FOXJ2: variants seen among roughly 807,000 people sequenced by gnomAD.
FOXJ2 encodes forkhead box J2.
A neutral mutation model predicts 68.4 loss-of-function variants in FOXJ2; 18 were observed. The observed-to-expected ratio is 0.26, with a 90% CI of 0.18 to 0.39. The LOEUF (loss-of-function observed/expected upper bound fraction) is 0.39, where lower values mean the gene tolerates loss of function less well. FOXJ2 is among the 10% of genes least tolerant of loss of function. The pLI is 1.00. For missense variants in FOXJ2, 670 were observed against 726.5 expected (o/e 0.92, Z 0.89); for synonymous variants, 274 against 263.2 (o/e 1.04, Z -0.40).
rs1248322184 is a variant in FOXJ2 at position 8,055,119 on chromosome 12, T to C, written c.*2269T>C. ...CTACGTGGCACAGGGCAAACCTGACTCCCTTTGGGCCTCAGTTTCCCCTCC... is the reference window on the plus strand; with the variant it reads ...CTACGTGGCACAGGGCAAACCTGACCCCCTTTGGGCCTCAGTTTCCCCTCC... On this transcript the variant is annotated 3_prime_UTR_variant, in exon 11 of 11. Transcript: ENST00000162391. The C allele has an allele frequency of 6.6e-6, 1 of 152,590 alleles. No individual in the cohort carries two copies. Among genetic ancestry groups the C allele is most frequent in the Non-Finnish European group, 1.5e-5 (1 of 68,038 alleles). The allele number at this position is 152,590 out of a possible 1,614,324, so 9.5% of individuals were successfully genotyped here. A position where few individuals can be genotyped will look rare whatever the true frequency, so the allele number is the denominator to read the frequency against.
At position 8,040,775 on chromosome 12, in the gene FOXJ2, G is replaced by A. The variant is rs888093963; in HGVS notation, c.333+610G>A. ...GAGGATATTCACTCATTTCACAAATGTTTATTGCCATTCTACGATGTTCCA... is the reference window on the plus strand; with the variant it reads ...GAGGATATTCACTCATTTCACAAATATTTATTGCCATTCTACGATGTTCCA... On this transcript the variant is annotated intron_variant, in intron 2 of 10. Transcript: ENST00000162391. The surrounding 1 kb of genome is among the most constrained non-coding windows in gnomAD (Gnocchi z 4.0). Among the ~76,000 whole-genome samples, 14 of 152,128 alleles carry A rather than the reference G, an allele frequency of 9.2e-5. No individual in the cohort carries two copies. The highest frequency in any genetic ancestry group is 3.1e-4 in the African/African-American group (13 of 41,414).
At position 8,048,161 on chromosome 12, in the gene FOXJ2, A is replaced by G; in HGVS notation, c.1097A>G (p.His366Arg). 1 of 1,613,928 alleles carries G rather than the reference A, an allele frequency of 6.2e-7. No individual in the cohort carries two copies. Reference sequence around the variant, plus strand: ...GGGCCTCCCCCTGTAATGGCCATGCATCCACCCCCGCTGCAGCATGGAGGC... The same window carrying G: ...GGGCCTCCCCCTGTAATGGCCATGCGTCCACCCCCGCTGCAGCATGGAGGC... ...GYGPPPVMAM[H>R]PPPLQHGGYH... Residue 366 changes from histidine (H) to arginine (R), a missense_variant, in exon 7 of 11, where the codon CAT becomes CGT. Physicochemically the swap from His to Arg is conservative, Grantham distance 29. This residue lies in a region of FOXJ2 where 555 missense variants were observed against 562.2 expected (regional missense o/e 0.99). Coordinates refer to ENST00000162391, the MANE Select transcript of FOXJ2 (RefSeq NM_018416.3).
At position 8,053,262 on chromosome 12, in the gene FOXJ2, C is replaced by T. The variant is rs1484766800; in HGVS notation, c.*412C>T. 6.6e-6 allele frequency: 1 copy of T among 152,532 alleles called. No individual in the cohort carries two copies. The highest frequency in any genetic ancestry group is 1.5e-5 in the Non-Finnish European group (1 of 68,058). The allele number at this position is 152,532 out of a possible 1,614,324, so 9.4% of individuals were successfully genotyped here. ...CTCTTGGAGAAACTCAATGCTAATC[C>T]CACCTTTTGGCCCTAAATTGTTTTT... On this transcript the variant is annotated 3_prime_UTR_variant, in exon 11 of 11. Coordinates refer to ENST00000162391, the MANE Select transcript of FOXJ2 (RefSeq NM_018416.3). The surrounding 1 kb of genome is among the most constrained non-coding windows in gnomAD (Gnocchi z 4.1).
Position 8,042,744 on chromosome 12 carries a change from C to A in FOXJ2, c.408+12C>A. The A allele has an allele frequency of 6.2e-7, 1 of 1,607,870 alleles. No individual in the cohort carries two copies. Among genetic ancestry groups the A allele is most frequent in the Non-Finnish European group, 8.5e-7 (1 of 1,174,422 alleles). On this transcript the variant is annotated intron_variant, in intron 3 of 10. Coordinates refer to ENST00000162391, the MANE Select transcript of FOXJ2 (RefSeq NM_018416.3). ...ATGACCCTGGGAAGGTAAGATACTA[C>A]TGTAAGCATTGAAAGGAGGAGTAGG...
chr12:8,044,127 T>C, intron 5 of FOXJ2, 36 bp downstream of exon 5: 2 of 1,483,178 alleles, frequency 1.3e-6, no homozygotes, highest in South Asian at 3.0e-5. Context: ...ATGGGATGGG[T>C]GGTGAATAGA....
rs1254003846 is a variant in FOXJ2, at chr12:8,035,291, C to G, written c.-15+1458C>G. On this transcript the variant is annotated intron_variant, in intron 1 of 10. Coordinates refer to ENST00000162391, the MANE Select transcript of FOXJ2 (RefSeq NM_018416.3). This position sits in a 1 kb window ranked among gnomAD's most constrained non-coding sequence, Gnocchi z 4.0. ...CTGGTGGGCCTCTAGAAGCAGGTGC[C>G]TCTGTACAAGGACATGGATAGGTGG... Among the ~76,000 whole-genome samples the G allele has an allele frequency of 6.6e-6, 1 of 152,142 alleles. No individual in the cohort carries two copies. Among genetic ancestry groups the G allele is most frequent in the Non-Finnish European group, 1.5e-5 (1 of 68,024 alleles).
At chr12:8,049,171 A>T (rs1263074464) in intron 8 of FOXJ2, among the ~76,000 whole-genome samples, 191 bp from the exon 9 acceptor site, 6 of 152,216 alleles carry the variant, frequency 3.9e-5, no homozygotes, top group Non-Finnish European at 8.8e-5. Flanking sequence ...GGCAATTATA[A>T]GAATTTGGTA....
Position 8,043,750 on chromosome 12 carries a change from G to A in FOXJ2, c.458G>A (p.Arg153Lys), listed in dbSNP as rs752256344. 1.9e-6 allele frequency: 3 copies of A among 1,614,174 alleles called. 1 individual carries two copies. The South Asian group carries it at 3.3e-5, about 18-fold the overall frequency. The change falls in exon 4 of 11, where the codon AGA becomes AAA. Residue 153 changes from arginine to lysine, a missense_variant. Arg to Lys is a conservative substitution (Grantham distance 26). Transcript: ENST00000162391. ...DTCPDISRKR[R>K]HPPDDDLSQD... ...TGCCCTGACATTTCCCGAAAGAGAAGACACCCTCCAGATGATGATGTAAGT... is the reference window on the plus strand; with the variant it reads ...TGCCCTGACATTTCCCGAAAGAGAAAACACCCTCCAGATGATGATGTAAGT...
chr12:8,050,209 C>G (rs987036928), intron 9 of FOXJ2: 5 of 489,954 alleles, frequency 1.0e-5, no homozygotes, highest in Non-Finnish European at 1.2e-5. Context: ...CTCTTGGACT[C>G]AAGGGATCTA....
At chr12:8,050,896 C>A (rs865943793) in intron 10 of FOXJ2, among the ~76,000 whole-genome samples, 43 of 66,890 alleles carry the variant, frequency 6.4e-4, no homozygotes, top group African/African-American at 2.1e-3. Flanking sequence ...TTCCCCTTCC[C>A]TTCCCCTTCC....
rs1031690340 is a variant in FOXJ2, at chr12:8,033,452, C to G, written c.-396C>G. ...AGTGGAACGGGGTGGAGCCCCTCCG[C>G]TCCTATCTCCAGCAGACAGAAAGAG... On this transcript the variant is annotated 5_prime_UTR_variant, in exon 1 of 11. Coordinates refer to ENST00000162391, the MANE Select transcript of FOXJ2 (RefSeq NM_018416.3). 1 of 152,824 alleles carries G rather than the reference C, an allele frequency of 6.5e-6. No homozygotes were observed. Among genetic ancestry groups the G allele is most frequent in the African/African-American group, 2.4e-5 (1 of 41,458 alleles). The allele number at this position is 152,824 out of a possible 1,614,324, so 9.5% of individuals were successfully genotyped here. A position where few individuals can be genotyped will look rare whatever the true frequency, so the allele number is the denominator to read the frequency against.
At chr12:8,046,514 C>T (rs1947038194) in intron 6 of FOXJ2, among the ~76,000 whole-genome samples, 1 of 152,206 alleles carries the variant, frequency 6.6e-6, no homozygotes, top group Admixed American at 6.5e-5. Flanking sequence ...TCTACCATGA[C>T]ATTATCATTC....
chr12:8,051,033 TCCTTCC>T (rs1203257770), intron 10 of FOXJ2, among the ~76,000 whole-genome samples: 66 of 112,232 alleles, frequency 5.9e-4, no homozygotes, highest in African/African-American at 2.1e-3. Flanking sequence ...CCCTTCCCTT[TCCTTCC>T]CCTTCCCCTT....
At chr12:8,049,676 C>G (rs1947088705) in intron 9 of FOXJ2, 105 bp downstream of exon 9, 1 of 1,056,454 alleles carries the variant, frequency 9.5e-7, no homozygotes, top group Non-Finnish European at 1.3e-6. Flanking sequence ...GGGGCAGTGA[C>G]CCAAATTGAG....
intron 6 of FOXJ2, among the ~76,000 whole-genome samples, chr12:8,045,860 C>G (rs1187202407): frequency 6.7e-6 from 1 of 150,352 alleles, no homozygotes; most frequent in South Asian, 2.1e-4. Context: ...AGTTTCACCA[C>G]GTTGGCCAGG....
chr12:8,050,802 A>G (rs1287833839), intron 10 of FOXJ2, among the ~76,000 whole-genome samples, 182 bp downstream of exon 10: 1 of 150,744 alleles, frequency 6.6e-6, no homozygotes, highest in African/African-American at 2.5e-5. Context: ...GGGGAGACTA[A>G]CGAAGACAGT....
Position 8,048,227 on chromosome 12 carries a change from A to T in FOXJ2, c.1163A>T (p.Gln388Leu), listed in dbSNP as rs1565630465. The change falls in exon 7 of 11, where the codon CAG becomes CTG. Residue 388 changes from glutamine to leucine, a missense_variant. Coordinates refer to ENST00000162391, the MANE Select transcript of FOXJ2 (RefSeq NM_018416.3). ...HQHHPHSHPA[Q>L]QPPPPQPQAQ... is the part of the protein sequence containing the mutation. Reference sequence around the variant, plus strand: ...CACCATCCCCACTCCCACCCTGCCCAGCAGCCACCACCTCCACAGCCACAG... The same window carrying T: ...CACCATCCCCACTCCCACCCTGCCCTGCAGCCACCACCTCCACAGCCACAG... The T allele has an allele frequency of 6.2e-7, 1 of 1,606,108 alleles. No homozygotes were observed. Among genetic ancestry groups the T allele is most frequent in the Admixed American group, 1.7e-5 (1 of 58,892 alleles).
chr12:8,044,764 C>T lies in FOXJ2; in HGVS notation c.623C>T (p.Thr208Ile). The change falls in exon 6 of 11, where the codon ACA (threonine) becomes ATA (isoleucine). Residue 208 changes from threonine to isoleucine, a missense_variant. This residue lies in a region of FOXJ2 where 555 missense variants were observed against 562.2 expected (regional missense o/e 0.99). Coordinates refer to ENST00000162391, the MANE Select transcript of FOXJ2 (RefSeq NM_018416.3). ...PTSIASYSQG[T>I]GSVDGGAVAA... ...ATTTCTTACCTGTTTTTGCAGGGCA[C>T]AGGATCTGTGGATGGTGGAGCAGTG... The T allele has an allele frequency of 1.2e-6, 2 of 1,613,728 alleles. No individual in the cohort carries two copies. The highest frequency in any genetic ancestry group is 1.3e-5 in the African/African-American group (1 of 75,030).
At chr12:8,050,919 TCCCCTTCCCTTC>T (rs1947113674) in intron 10 of FOXJ2, among the ~76,000 whole-genome samples, 2 of 92,780 alleles carry the variant, frequency 2.2e-5, no homozygotes, top group African/African-American at 8.6e-5. Flanking sequence ...TCCCTTTCCT[TCCCCTTCCCTTC>T]CCCTTCCCCT....
Sources: gnomAD v4.1 joint callset for allele counts (sites outside exome capture counted in the v4.1 genomes callset) on GRCh38, gnomAD v4.1.1 for gene constraint, gnomAD v4.1.1 regional missense constraint, Gnocchi (gnomAD v3.1) non-coding constraint, MANE v1.5 for transcripts, NCBI Gene and HGNC (gene_info 2026-07-23, HGNC 2026-07-21) for gene names.